PRDM2: variants seen among roughly 807,000 people sequenced by gnomAD.
PRDM2 encodes the protein PR domain zinc finger protein 2.
A neutral mutation model predicts 130.0 loss-of-function variants in PRDM2; 30 were observed. The observed-to-expected ratio is 0.23, with a 90% CI of 0.17 to 0.31. The LOEUF is 0.31. Among genes scored for constraint, PRDM2 ranks in the 10% least tolerant of loss-of-function variants. PRDM2 has a pLI of 1.00. For synonymous variants in PRDM2, 871 were observed against 782.4 expected (o/e 1.11, Z -1.89); for missense variants, 2,011 against 2,108.4 (o/e 0.95, Z 0.90).
intron 6 of PRDM2, among the ~76,000 whole-genome samples, chr1:13,760,040 A>G (rs1254057006): frequency 1.3e-5 from 2 of 152,168 alleles, no homozygotes; most frequent in African/African-American, 4.8e-5. Flanking sequence ...TTGAGTGGTA[A>G]GCTTAATACC....
At chr1:13,791,285 A>AT (rs1212462032) in intron 8 of PRDM2, among the ~76,000 whole-genome samples, 4 of 152,072 alleles carry the variant, frequency 2.6e-5, no homozygotes, top group Non-Finnish European at 5.9e-5. Flanking sequence ...TCCTGGACCC[A>AT]TTTGCTTTTA....
In PRDM2 at chr1:13,788,162, C is replaced by T. The variant is rs565307813; in HGVS notation, c.5036+5331C>T. ...TGTGTGTGGAGGATTGTTCAGAGCC[C>T]GCACTCTAATTTAAAAGTGCGGCGT... On this transcript the variant is annotated intron_variant, in intron 8 of 9. Transcript: ENST00000311066. The T allele has an allele frequency of 1.9e-3, 1,721 of 901,698 alleles. 1 individual carries two copies. The highest frequency in any genetic ancestry group is 1.9e-3 in the Non-Finnish European group (1,420 of 753,880). 55.9% of individuals were successfully genotyped at this position (901,698 alleles called of 1,614,324 possible).
chr1:13,789,810 A>C (rs969289359), intron 8 of PRDM2, among the ~76,000 whole-genome samples: 1 of 152,224 alleles, frequency 6.6e-6, no homozygotes, highest in Non-Finnish European at 1.5e-5. Flanking sequence ...GGCCACATTT[A>C]AAGTGTTTCA....
chr1:13,806,943 A>T lies in PRDM2; in HGVS notation c.5037-9484A>T, dbSNP rs1354149166. 2.0e-5 allele frequency among the ~76,000 whole-genome samples: 3 copies of T among 151,824 alleles called. No individual in the cohort carries two copies. The highest frequency in any genetic ancestry group is 7.3e-5 in the African/African-American group (3 of 41,296). Reference sequence around the variant, plus strand: ...CAAGGCGTAGTATCCGGACCGATTGATCCCCCCACCCCAGGTCGTAGCCCA... The same window carrying T: ...CAAGGCGTAGTATCCGGACCGATTGTTCCCCCCACCCCAGGTCGTAGCCCA... On this transcript the variant is annotated intron_variant, in intron 8 of 9. Coordinates refer to ENST00000311066, the MANE Select transcript of PRDM2 (RefSeq NM_001393986.1). This position sits in a 1 kb window ranked among gnomAD's most constrained non-coding sequence, Gnocchi z 4.1.
At chr1:13,775,163 A>G (rs1411335647) in intron 7 of PRDM2, among the ~76,000 whole-genome samples, 1 of 152,232 alleles carries the variant, frequency 6.6e-6, no homozygotes, top group Non-Finnish European at 1.5e-5. Context: ...CAGAGACCAC[A>G]TAAAGTGCGT....
Position 13,782,748 on chromosome 1 carries a change from G to C in PRDM2, c.4953G>C (p.Arg1651=), listed in dbSNP as rs2100677373. The C allele has an allele frequency of 6.2e-7, 1 of 1,613,116 alleles. No individual in the cohort carries two copies. Among genetic ancestry groups the C allele is most frequent in the Non-Finnish European group, 8.5e-7 (1 of 1,179,698 alleles). ...AGCGGAGTGGGGGGCCAGTCACCCGGAGCCTTCAGCTGGCAGCTGCTGCTG... is the reference window on the plus strand; with the variant it reads ...AGCGGAGTGGGGGGCCAGTCACCCGCAGCCTTCAGCTGGCAGCTGCTGCTG... The part of the protein sequence containing the change: ...SRERSGGPVT[R]SLQLAAAADL... The change falls in exon 8 of 10, where the codon CGG becomes CGC. Residue 1651 remains arginine, a synonymous_variant. Coordinates refer to ENST00000311066, the MANE Select transcript of PRDM2 (RefSeq NM_001393986.1).
At chr1:13,716,052 A>G (rs1434185303) in intron 2 of PRDM2, among the ~76,000 whole-genome samples, 1 of 152,180 alleles carries the variant, frequency 6.6e-6, no homozygotes, top group Non-Finnish European at 1.5e-5. Context: ...ACCAACCCAA[A>G]TGTCCAACAA....
intron 7 of PRDM2, among the ~76,000 whole-genome samples, chr1:13,774,008 G>C (rs1056964582): frequency 1.3e-5 from 2 of 152,220 alleles, no homozygotes; most frequent in African/African-American, 4.8e-5. Flanking sequence ...AGAACAAAAA[G>C]TATACAGAAT....
chr1:13,815,108 T>G (rs1437868712), intron 8 of PRDM2, among the ~76,000 whole-genome samples: 2 of 152,136 alleles, frequency 1.3e-5, no homozygotes, highest in Non-Finnish European at 2.9e-5. Context: ...TTTGTTTGTT[T>G]GTTTATTTAT....
At chr1:13,811,494 G>T (rs994537502) in intron 8 of PRDM2, among the ~76,000 whole-genome samples, 1 of 152,220 alleles carries the variant, frequency 6.6e-6, no homozygotes, top group African/African-American at 2.4e-5. Flanking sequence ...GACAGGGGCC[G>T]GGCCTGGGGA....
At chr1:13,731,551 A>G (rs1643112099) in intron 3 of PRDM2, among the ~76,000 whole-genome samples, 1 of 152,166 alleles carries the variant, frequency 6.6e-6, no homozygotes, top group African/African-American at 2.4e-5. Context: ...TTTCTTATGT[A>G]TCTTTGTGCC....
chr1:13,823,206 G>T lies in PRDM2; in HGVS notation c.*71G>T, dbSNP rs755585663. On this transcript the variant is annotated 3_prime_UTR_variant, in exon 10 of 10. Transcript: ENST00000311066. Reference sequence around the variant, plus strand: ...GTGAAGCCAAAGGGACTGGCAGTCTGCCCTGCAGGGAGTACCGACCTATCC... The same window carrying T: ...GTGAAGCCAAAGGGACTGGCAGTCTTCCCTGCAGGGAGTACCGACCTATCC... The T allele has an allele frequency of 4.3e-6, 7 of 1,612,692 alleles. No individual in the cohort carries two copies. In the African/African-American group the frequency reaches 5.3e-5, roughly 12 times the overall value.
rs1354581057 is a variant in PRDM2 at position 13,742,269 on chromosome 1, C to T, written c.384+112C>T. 2.4e-5 allele frequency: 29 copies of T among 1,205,322 alleles called. 1 individual carries two copies. Among genetic ancestry groups the T allele is most frequent in the Non-Finnish European group, 3.2e-5 (27 of 853,820 alleles). 74.7% of individuals were successfully genotyped at this position (1,205,322 alleles called of 1,614,324 possible). On this transcript the variant is annotated intron_variant, in intron 5 of 9. Transcript: ENST00000311066. ...AGGCTGGAGTGCAGGGGCTCCATCA[C>T]GGCTCACTGCAGCCTAAGCCTCCCC... is the stretch of plus-strand genomic sequence containing the variant.
At chr1:13,710,063 A>T (rs1642322150) in intron 1 of PRDM2, among the ~76,000 whole-genome samples, 1 of 152,254 alleles carries the variant, frequency 6.6e-6, no homozygotes, top group Non-Finnish European at 1.5e-5. Flanking sequence ...TCTTTAAAAA[A>T]ATCTGTTCTC....
intron 8 of PRDM2, chr1:13,787,662 A>G (rs1644768519): frequency 1.0e-6 from 1 of 976,462 alleles, no homozygotes; most frequent in African/African-American, 1.8e-5. Flanking sequence ...AAATTATTTA[A>G]ATTGTTTTGG....
intron 7 of PRDM2, among the ~76,000 whole-genome samples, chr1:13,776,200 C>T (rs1557642536): frequency 6.6e-6 from 1 of 152,164 alleles, no homozygotes; most frequent in African/African-American, 2.4e-5. Context: ...GTGAAGCTCT[C>T]TATGGGTAAG....
chr1:13,790,644 G>A (rs185311387), intron 8 of PRDM2, among the ~76,000 whole-genome samples: 23 of 152,324 alleles, frequency 1.5e-4, no homozygotes, highest in African/African-American at 4.6e-4. Flanking sequence ...TGACGTGACC[G>A]TTAAGATTTT....
At chr1:13,821,435 T>C (rs555539617) in intron 9 of PRDM2, among the ~76,000 whole-genome samples, 3 of 54,688 alleles carry the variant, frequency 5.5e-5, no homozygotes, top group East Asian at 3.1e-4. Flanking sequence ...AGTGAACATT[T>C]ATTTATTTAT....
intron 6 of PRDM2, among the ~76,000 whole-genome samples, chr1:13,767,892 C>T (rs1644265188): frequency 6.6e-6 from 1 of 151,834 alleles, no homozygotes; most frequent in Non-Finnish European, 1.5e-5. Flanking sequence ...GGAGGGATCA[C>T]CTGAGCCCAG....
Sources: allele counts gnomAD v4.1 joint callset (sites outside exome capture counted in the v4.1 genomes callset), GRCh38; gene constraint gnomAD v4.1.1; non-coding constraint Gnocchi (gnomAD v3.1); transcripts MANE v1.5; gene names NCBI Gene and HGNC (gene_info 2026-07-23, HGNC 2026-07-21).